Variants in CPEB3 observed in about 807,000 individuals in gnomAD.
The protein encoded by CPEB3 is cytoplasmic polyadenylation element binding protein 3, also known as cytoplasmic polyadenylation element-binding protein 3.
CPEB3 carries 20 observed loss-of-function variants against 67.2 expected under a neutral mutation model. The ratio of observed to expected loss-of-function variants is 0.30; its 90% confidence interval spans 0.21 to 0.43. The LOEUF (loss-of-function observed/expected upper bound fraction) is 0.43, where lower values mean the gene tolerates loss of function less well. CPEB3 is among the 20% of genes least tolerant of loss of function. The pLI, the probability that CPEB3 is intolerant of heterozygous loss-of-function variation, is 1.00. For missense variants in CPEB3, 746 were observed against 968.6 expected (o/e 0.77, Z 3.05); for synonymous variants, 376 against 393.1 (o/e 0.96, Z 0.51).
At chr10:92,130,010 C>A (rs1845773073) in intron 6 of CPEB3, among the ~76,000 whole-genome samples, 1 of 152,070 alleles carries the variant, frequency 6.6e-6, no homozygotes, top group Non-Finnish European at 1.5e-5. Context: ...GCACTCTAGC[C>A]TGGGTGACAG....
intron 4 of CPEB3, among the ~76,000 whole-genome samples, chr10:92,160,670 C>T (rs1034173596): frequency 2.6e-5 from 4 of 152,104 alleles, no homozygotes; most frequent in African/African-American, 9.7e-5. Flanking sequence ...TGGCCAGATA[C>T]CCAATGAAAA....
At chr10:92,172,015 G>T (rs867451941) in intron 4 of CPEB3, among the ~76,000 whole-genome samples, 1 of 152,230 alleles carries the variant, frequency 6.6e-6, no homozygotes, top group African/African-American at 2.4e-5. Flanking sequence ...AAAGACACAG[G>T]CTCGGTGCAG....
intron 4 of CPEB3, among the ~76,000 whole-genome samples, chr10:92,157,447 T>C (rs370689703): frequency 6.6e-6 from 1 of 152,160 alleles, no homozygotes; most frequent in East Asian, 1.9e-4. Context: ...CAAATGAAAG[T>C]TGTATTATTT....
At chr10:92,214,729 G>A (rs934852929) in intron 2 of CPEB3, among the ~76,000 whole-genome samples, 11 of 150,384 alleles carry the variant, frequency 7.3e-5, no homozygotes, top group Middle Eastern at 3.4e-3. Context: ...CACGTGATCC[G>A]CCCACCTCGG....
chr10:92,281,819 G>T (rs1419164471), intron 1 of CPEB3, among the ~76,000 whole-genome samples: 1 of 152,076 alleles, frequency 6.6e-6, no homozygotes, highest in East Asian at 1.9e-4. Context: ...TACTACTATT[G>T]GTTCCAATGT....
At chr10:92,233,392 T>TG (rs1236413310) in intron 2 of CPEB3, among the ~76,000 whole-genome samples, 1 of 151,408 alleles carries the variant, frequency 6.6e-6, no homozygotes, top group Non-Finnish European at 1.5e-5. Context: ...CAAAAACTAG[T>TG]GGGGCATGGT....
chr10:92,077,010 A>G (rs74149368), intron 9 of CPEB3, among the ~76,000 whole-genome samples: 2,169 of 152,264 alleles, frequency 0.014, 49 homozygotes, highest in African/African-American at 0.048. Context: ...TTAGCACTGC[A>G]AGTTTCAGAA....
At chr10:92,117,795 C>A (rs1399785157) in intron 6 of CPEB3, among the ~76,000 whole-genome samples, 1 of 152,072 alleles carries the variant, frequency 6.6e-6, no homozygotes, top group East Asian at 1.9e-4. Context: ...AACTCTACTA[C>A]CACAACTATC....
In CPEB3 at chr10:92,168,187, T is replaced by C. The variant is rs1021549391; in HGVS notation, c.1222+12776A>G. The stretch of plus-strand genomic sequence containing the variant: ...TTTGTGGATTGGTCAGAAAATTTAG[T>C]TGTTATTAGAAACATAAGAAAATAT... On this transcript the variant is annotated intron_variant, in intron 4 of 9. Coordinates refer to ENST00000265997, the MANE Select transcript of CPEB3 (RefSeq NM_014912.5). Among the ~76,000 whole-genome samples the C allele has an allele frequency of 4.6e-5, 7 of 152,224 alleles. No individual in the cohort carries two copies. In the South Asian group the frequency reaches 1.0e-3, roughly 22 times the overall value.
intron 2 of CPEB3, among the ~76,000 whole-genome samples, chr10:92,235,575 C>A (rs1851492187): frequency 6.6e-6 from 1 of 152,206 alleles, no homozygotes; most frequent in Admixed American, 6.5e-5. Flanking sequence ...GTGCTACGCA[C>A]TTTATATTTA....
At chr10:92,183,537 C>A (rs549047337) in intron 3 of CPEB3, among the ~76,000 whole-genome samples, 21 of 152,064 alleles carry the variant, frequency 1.4e-4, no homozygotes, top group Non-Finnish European at 2.4e-4. Context: ...GATTCATTAT[C>A]AAAAAATATT....
chr10:92,058,572 C>CATTA (rs1842203877), intron 9 of CPEB3, among the ~76,000 whole-genome samples: 1 of 119,562 alleles, frequency 8.4e-6, no homozygotes, highest in South Asian at 3.7e-4. Flanking sequence ...TACATACATA[C>CATTA]ATACATACAT....
chr10:92,086,655 G>A (rs905297975), intron 8 of CPEB3, among the ~76,000 whole-genome samples: 2 of 152,140 alleles, frequency 1.3e-5, no homozygotes, highest in African/African-American at 4.8e-5. Flanking sequence ...AGGACAGAGT[G>A]GTATTCAAAT....
intron 6 of CPEB3, chr10:92,118,917 C>G: frequency 2.8e-6 from 3 of 1,067,566 alleles, no homozygotes; most frequent in South Asian, 2.5e-5. Context: ...TTTGGCATGT[C>G]AGCCCTGTTA....
intron 1 of CPEB3, among the ~76,000 whole-genome samples, chr10:92,267,921 C>G (rs903485891): frequency 6.6e-6 from 1 of 152,144 alleles, no homozygotes; most frequent in Admixed American, 6.6e-5. Flanking sequence ...CGGGTTCAAG[C>G]AATTCTCCTG....
intron 6 of CPEB3, among the ~76,000 whole-genome samples, chr10:92,138,653 T>C (rs1846235662): frequency 6.6e-6 from 1 of 152,130 alleles, no homozygotes. Flanking sequence ...TGTGATATCA[T>C]CTCACCACAG....
intron 3 of CPEB3, among the ~76,000 whole-genome samples, chr10:92,187,093 G>GT (rs1848728608): frequency 6.6e-6 from 1 of 152,134 alleles, no homozygotes; most frequent in East Asian, 1.9e-4. Context: ...TCAAAATTCC[G>GT]TAAGAGGGGA....
chr10:92,244,509 C>G (rs1053781631), intron 1 of CPEB3, among the ~76,000 whole-genome samples: 2 of 151,480 alleles, frequency 1.3e-5, no homozygotes, highest in African/African-American at 4.8e-5. Flanking sequence ...GCGATCTCAG[C>G]TCATTGCAAC....
intron 1 of CPEB3, among the ~76,000 whole-genome samples, chr10:92,272,616 G>T (rs1853355622): frequency 6.6e-6 from 1 of 152,092 alleles, no homozygotes; most frequent in Admixed American, 6.6e-5. Flanking sequence ...AATATTTAGT[G>T]AACACCCTCC....
Sources: gnomAD v4.1 joint callset for allele counts (sites outside exome capture counted in the v4.1 genomes callset) on GRCh38, gnomAD v4.1.1 for gene constraint, MANE v1.5 for transcripts, NCBI Gene and HGNC (gene_info 2026-07-23, HGNC 2026-07-21) for gene names.